Variants in SLF1 observed in about 807,000 individuals in gnomAD.
SLF1 encodes SMC5-SMC6 complex localization factor protein 1.
In SLF1, 105 loss-of-function variants were observed where a neutral mutation model predicts 123.0. The ratio of observed to expected loss-of-function variants is 0.85; its 90% confidence interval spans 0.73 to 1.00. The LOEUF is 1.00. SLF1 is among the 50% of genes least tolerant of loss of function. SLF1 has a pLI of 0.00. For synonymous variants in SLF1, 434 were observed against 406.6 expected (o/e 1.07, Z -0.81); for missense variants, 1,239 against 1,223.0 (o/e 1.01, Z -0.20).
chr5:94,620,997 AAG>A (rs1791736815), intron 1 of SLF1, among the ~76,000 whole-genome samples: 1 of 152,180 alleles, frequency 6.6e-6, no homozygotes, highest in Admixed American at 6.5e-5. Flanking sequence ...ATTAGACAAA[AAG>A]AGCACTCTTT....
intron 1 of SLF1, among the ~76,000 whole-genome samples, chr5:94,626,370 G>C (rs1046357439): frequency 6.6e-6 from 1 of 151,902 alleles, no homozygotes; most frequent in East Asian, 1.9e-4. Flanking sequence ...TTTCATAAGA[G>C]ACCAATCCCT....
At chr5:94,620,966 A>G (rs1005423230) in intron 1 of SLF1, among the ~76,000 whole-genome samples, 1 of 152,180 alleles carries the variant, frequency 6.6e-6, no homozygotes, top group Non-Finnish European at 1.5e-5. Flanking sequence ...TGAGAGGAAA[A>G]TAATGAAAAC....
intron 15 of SLF1, among the ~76,000 whole-genome samples, chr5:94,681,700 A>G (rs1169027804): frequency 8.0e-6 from 1 of 125,242 alleles, no homozygotes; most frequent in Admixed American, 1.1e-4. Flanking sequence ...TCCTGTGTCC[A>G]TGTGTTCTCA....
chr5:94,654,755 A>G lies in SLF1; in HGVS notation c.1155+3A>G, dbSNP rs1269361166. On this transcript the variant is annotated splice_donor_region_variant and intron_variant, in intron 9 of 20. Coordinates refer to ENST00000265140, the MANE Select transcript of SLF1 (RefSeq NM_032290.4). ...GGAAGCACATATATAGAGCTCAGGT[A>G]AAACTTGGCACATGAAAAATTTTGT... 7.4e-6 allele frequency: 11 copies of G among 1,494,096 alleles called. No individual in the cohort carries two copies. Among genetic ancestry groups the G allele is most frequent in the Middle Eastern group, 1.8e-4 (1 of 5,480 alleles). 92.6% of individuals were successfully genotyped at this position (1,494,096 alleles called of 1,614,324 possible).
intron 1 of SLF1, among the ~76,000 whole-genome samples, chr5:94,622,829 G>T (rs1487703339): frequency 6.6e-6 from 1 of 151,968 alleles, no homozygotes; most frequent in East Asian, 1.9e-4. Flanking sequence ...GGTAGGGCTG[G>T]TTATAAAAGA....
Position 94,686,709 on chromosome 5 carries a change from T to A in SLF1, c.2112T>A (p.Leu704=). 1 of 1,613,790 alleles carries A rather than the reference T, an allele frequency of 6.2e-7. No individual in the cohort carries two copies. The highest frequency in any genetic ancestry group is 8.5e-7 in the Non-Finnish European group (1 of 1,179,850). The change falls in exon 16 of 21, where the codon CTT becomes CTA. Residue 704 remains leucine, a synonymous_variant. Transcript: ENST00000265140. ...SGSVSSEPLS[L]QKMVYSYLPA... ...GTGTTTCTTCTGAGCCACTCTCTCT[T>A]CAGAAAATGGTAAGTACCTCTCTAT... is the stretch of plus-strand genomic sequence containing the variant.
At chr5:94,635,486 A>G (rs1745671156) in intron 4 of SLF1, among the ~76,000 whole-genome samples, 1 of 149,648 alleles carries the variant, frequency 6.7e-6, no homozygotes, top group Admixed American at 6.7e-5. Flanking sequence ...TTTCCAGTTG[A>G]TTTGTATATA....
In SLF1 at chr5:94,627,585, CATATATATATATATAT is replaced by C. The variant is rs58847356; in HGVS notation, c.1-1206_1-1191del. The stretch of plus-strand genomic sequence containing the variant: ...TCTACCTTGTAAATGATGAAATTAA[CATATATATATATATAT>C]ATATATATATATATATATAGCAAAG... On this transcript the variant is annotated intron_variant, in intron 1 of 20. Coordinates refer to ENST00000265140, the MANE Select transcript of SLF1 (RefSeq NM_032290.4). Among the ~76,000 whole-genome samples the C allele has an allele frequency of 7.0e-3, 609 of 86,836 alleles. 12 individuals are homozygous for C. The highest frequency in any genetic ancestry group is 0.022 in the African/African-American group (521 of 23,300). The allele number at this position is 86,836 out of a possible 152,430, so 57.0% of individuals were successfully genotyped here.
At chr5:94,640,628 A>G (rs927078165) in intron 4 of SLF1, among the ~76,000 whole-genome samples, 1 of 151,970 alleles carries the variant, frequency 6.6e-6, no homozygotes, top group African/African-American at 2.4e-5. Context: ...CTTTTAAACT[A>G]TTTGATTATT....
intron 8 of SLF1, 48 bp from the exon 9 acceptor site, chr5:94,654,582 A>G (rs1187858965): frequency 3.5e-6 from 5 of 1,441,638 alleles, no homozygotes; most frequent in Non-Finnish European, 4.6e-6. Flanking sequence ...CTGTGTTGAC[A>G]CTGTCTTTAG....
chr5:94,689,635 C>A, intron 18 of SLF1, 29 bp downstream of exon 18: 1 of 1,580,514 alleles, frequency 6.3e-7, no homozygotes, highest in Non-Finnish European at 8.6e-7. Flanking sequence ...TTAATTTATG[C>A]TAAGAACTTT....
intron 1 of SLF1, among the ~76,000 whole-genome samples, chr5:94,627,585 CATATATATATATATATAT>C (rs58847356): frequency 0.029 from 2,539 of 86,862 alleles, 130 homozygotes; most frequent in African/African-American, 0.037. Flanking sequence ...ATGAAATTAA[CATATATATATATATATAT>C]ATATATATAT....
At chr5:94,656,190 A>C (rs1377293218) in intron 9 of SLF1, among the ~76,000 whole-genome samples, 2 of 151,940 alleles carry the variant, frequency 1.3e-5, no homozygotes, top group African/African-American at 4.8e-5. Flanking sequence ...TTTTTTGCAT[A>C]TATTGAAATG....
chr5:94,642,988 T>A (rs757805269), intron 4 of SLF1, among the ~76,000 whole-genome samples: 4 of 152,136 alleles, frequency 2.6e-5, no homozygotes, highest in Non-Finnish European at 5.9e-5. Context: ...TTTATTGACA[T>A]GACTTTTCCT....
Position 94,654,691 on chromosome 5 carries a change from A to C in SLF1, c.1094A>C (p.Lys365Thr), listed in dbSNP as rs1167833790. ...AAAGAATCAAAAGCCATGGCTATTA[A>C]GACAGATGTGGATGTTGTTGAAATA... The part of the protein sequence containing the change: ...YAKESKAMAI[K>T]TDVDVVEIKN... Residue 365 changes from lysine to threonine, a missense_variant, in exon 9 of 21, where the codon AAG (lysine) becomes ACG (threonine). Transcript: ENST00000265140. 6.5e-7 allele frequency: 1 copy of C among 1,546,102 alleles called. No individual in the cohort carries two copies. Among genetic ancestry groups the C allele is most frequent in the Non-Finnish European group, 8.7e-7 (1 of 1,144,024 alleles).
intron 9 of SLF1, among the ~76,000 whole-genome samples, chr5:94,661,181 A>G (rs3947399): frequency 0.15 from 22,557 of 152,146 alleles, 1,873 homozygotes; most frequent in East Asian, 0.32. Context: ...GACTCCAGGC[A>G]GCTTTCTAAA....
chr5:94,692,171 C>T lies in SLF1; in HGVS notation c.2610C>T (p.Leu870=), dbSNP rs975970733. The T allele has an allele frequency of 1.2e-6, 2 of 1,613,890 alleles. No homozygotes were observed. The highest frequency in any genetic ancestry group is 1.7e-6 in the Non-Finnish European group (2 of 1,179,848). ...ILQRCPEVDL[L]TQVDGVTPLH... ...AACGTTGTCCAGAGGTAGATCTGCT[C>T]ACTCAAGTGGACGGGGTGACTCCTT... The change falls in exon 20 of 21, where the codon CTC becomes CTT. Residue 870 remains leucine (L), a synonymous_variant. Coordinates refer to ENST00000265140, the MANE Select transcript of SLF1 (RefSeq NM_032290.4).
At chr5:94,687,553 G>T (rs555947770) in intron 16 of SLF1, among the ~76,000 whole-genome samples, 1 of 151,982 alleles carries the variant, frequency 6.6e-6, no homozygotes, top group Non-Finnish European at 1.5e-5. Flanking sequence ...AAATTAGCTG[G>T]GCATGGTGGC....
intron 12 of SLF1, 56 bp downstream of exon 12, chr5:94,666,080 T>C: frequency 7.1e-7 from 1 of 1,411,570 alleles, no homozygotes; most frequent in Non-Finnish European, 9.4e-7. Context: ...GTTATGCTAA[T>C]TATTTTTTTA....
Sources: gnomAD v4.1 joint callset for allele counts (sites outside exome capture counted in the v4.1 genomes callset) on GRCh38, gnomAD v4.1.1 for gene constraint, MANE v1.5 for transcripts, NCBI Gene and HGNC (gene_info 2026-07-23, HGNC 2026-07-21) for gene names.